ZBTB25: variants seen among roughly 807,000 people sequenced by gnomAD.
ZBTB25 encodes zinc finger and BTB domain containing 25.
In ZBTB25, 20 loss-of-function variants were observed where a neutral mutation model predicts 34.2. That is an observed-to-expected ratio of 0.58 (90% CI 0.41 to 0.85). The LOEUF (loss-of-function observed/expected upper bound fraction) is 0.85, where lower values mean the gene tolerates loss of function less well. ZBTB25 is among the 40% of genes least tolerant of loss of function. The pLI is 0.00. For synonymous variants in ZBTB25, 175 were observed against 186.4 expected, an observed-to-expected ratio of 0.94 and a Z score of 0.50; for missense variants, 437 against 521.8, an observed-to-expected ratio of 0.84 and a Z score of 1.58.
chr14:64,458,057 A>AT (rs2078503624), intron 2 of ZBTB25: 1 of 698,924 alleles, frequency 1.4e-6, no homozygotes, highest in South Asian at 1.5e-5. Flanking sequence ...TATCCAGCTA[A>AT]TTTTTTATTT....
intron 2 of ZBTB25, chr14:64,459,827 A>G (rs1196939349): frequency 6.5e-7 from 1 of 1,536,000 alleles, no homozygotes; most frequent in Middle Eastern, 1.7e-4. Context: ...ACTGGGAGTT[A>G]GGAAGTATAA....
chr14:64,503,168 C>T, intron 1 of ZBTB25: 1 of 985,452 alleles, frequency 1.0e-6, no homozygotes. Context: ...ACAAGATAAA[C>T]ATAATTTGAA....
At chr14:64,500,454 C>CAAAA (rs374975040) in intron 1 of ZBTB25, among the ~76,000 whole-genome samples, 94 of 52,018 alleles carry the variant, frequency 1.8e-3, no homozygotes, top group African/African-American at 3.5e-3. Context: ...CCCAATAAAG[C>CAAAA]AAAAAAAAAA....
At chr14:64,464,997 TTC>T (rs1338992158) in intron 2 of ZBTB25, among the ~76,000 whole-genome samples, 2 of 152,242 alleles carry the variant, frequency 1.3e-5, no homozygotes, top group Non-Finnish European at 2.9e-5. Context: ...TCGGGTTTCT[TTC>T]TGTTTCCATT....
chr14:64,490,098 C>T (rs1365286314), intron 2 of ZBTB25, among the ~76,000 whole-genome samples: 1 of 148,674 alleles, frequency 6.7e-6, no homozygotes, highest in African/African-American at 2.5e-5. Context: ...ATCCCAGGTA[C>T]TCGGGAGGCT....
At chr14:64,468,284 T>C (rs930772298) in intron 2 of ZBTB25, 11 of 1,007,276 alleles carry the variant, frequency 1.1e-5, no homozygotes, top group African/African-American at 1.6e-5. Flanking sequence ...GGTATGAATA[T>C]GCCTGGAAGA....
At chr14:64,456,133 T>C (rs1181370125) in intron 2 of ZBTB25, among the ~76,000 whole-genome samples, 1 of 152,174 alleles carries the variant, frequency 6.6e-6, no homozygotes, top group Admixed American at 6.5e-5. Context: ...AGGGTAACAG[T>C]AGAGGTGAAA....
In ZBTB25 at chr14:64,470,481, T is replaced by G. The variant is rs572381487; in HGVS notation, c.173+19880A>C. On this transcript the variant is annotated intron_variant, in intron 2 of 2. Transcript: ENST00000555220. ...GGTGCACGCCTGTAATCCCAGCTAC[T>G]TGGGAGGCTGAGGCAGGAGAATTGC... 1.9e-5 allele frequency: 3 copies of G among 157,520 alleles called. No individual in the cohort carries two copies. The Admixed American group carries it at 2.0e-4, about 10-fold the overall frequency. The allele number at this position is 157,520 out of a possible 1,614,324, so 9.8% of individuals were successfully genotyped here.
At chr14:64,498,457 G>A (rs931622435) in intron 1 of ZBTB25, among the ~76,000 whole-genome samples, 1 of 151,632 alleles carries the variant, frequency 6.6e-6, no homozygotes, top group Non-Finnish European at 1.5e-5. Context: ...GGGATTACAG[G>A]TGCCCATCAC....
chr14:64,499,637 G>C (rs1346325406), intron 1 of ZBTB25: 2 of 152,056 alleles, frequency 1.3e-5, no homozygotes, highest in Non-Finnish European at 2.9e-5. Flanking sequence ...ATGGGTGGGG[G>C]GGTGGAGGAA....
chr14:64,499,534 C>G (rs1281804919), intron 1 of ZBTB25: 1 of 150,854 alleles, frequency 6.6e-6, no homozygotes, highest in Non-Finnish European at 1.5e-5. Flanking sequence ...TCATTGCACT[C>G]CAGTCTGGGC....
intron 2 of ZBTB25, among the ~76,000 whole-genome samples, chr14:64,489,034 G>C (rs1180594638): frequency 6.6e-6 from 1 of 152,136 alleles, no homozygotes; most frequent in East Asian, 1.9e-4. Flanking sequence ...ATCATCTGAG[G>C]TCAGGAGTTC....
At chr14:64,503,331 G>A in intron 1 of ZBTB25, 1 of 985,398 alleles carries the variant, frequency 1.0e-6, no homozygotes, top group Non-Finnish European at 1.2e-6. Context: ...AGGCCTACTG[G>A]GGTTTCCTGC....
At chr14:64,468,307 T>G (rs2078632273) in intron 2 of ZBTB25, 2 of 1,250,418 alleles carry the variant, frequency 1.6e-6, no homozygotes, top group Non-Finnish European at 2.2e-6. Flanking sequence ...TTTTACCTAG[T>G]GTGACATTTT....
chr14:64,485,280 G>C lies in ZBTB25; in HGVS notation c.*1643C>G, dbSNP rs748058069. The C allele has an allele frequency of 1.8e-3, 1,735 of 985,456 alleles. 1 individual carries two copies. Among genetic ancestry groups the C allele is most frequent in the Non-Finnish European group, 2.0e-3 (1,657 of 829,924 alleles). 61.0% of individuals were successfully genotyped at this position (985,456 alleles called of 1,614,324 possible). ...GAAGTGGAGGGAGCTCAAGAGTTTT[G>C]TAAGTGGTTAAATTCTAAGGCTCAC... is the stretch of plus-strand genomic sequence containing the variant. On this transcript the variant is annotated 3_prime_UTR_variant, in exon 3 of 3. Transcript: ENST00000608382.
Position 64,482,133 on chromosome 14 carries a change from C to G in ZBTB25, c.*4790G>C, listed in dbSNP as rs1159620257. The G allele has an allele frequency of 6.6e-6, 1 of 152,148 alleles. No homozygotes were observed. Among genetic ancestry groups the G allele is most frequent in the African/African-American group, 2.4e-5 (1 of 41,416 alleles). 9.4% of individuals were successfully genotyped at this position (152,148 alleles called of 1,614,324 possible). On this transcript the variant is annotated 3_prime_UTR_variant, in exon 3 of 3. Coordinates refer to ENST00000608382, the MANE Select transcript of ZBTB25 (RefSeq NM_006977.5). ...CCTTCACCCCATTTCCTGTCCTCAT[C>G]TACTATTTAGATCACCTACATCAAA...
At chr14:64,503,387 G>T (rs2079563811) in intron 1 of ZBTB25, 1 of 985,306 alleles carries the variant, frequency 1.0e-6, no homozygotes, top group Admixed American at 6.1e-5. Flanking sequence ...CTGCACCTTC[G>T]CGGCACCCCG....
At chr14:64,503,224 C>A (rs1030765189) in intron 1 of ZBTB25, 1 of 985,342 alleles carries the variant, frequency 1.0e-6, no homozygotes, top group African/African-American at 1.7e-5. Flanking sequence ...ACGAGGTAAT[C>A]ACAAGCTGGG....
At chr14:64,497,200 TC>T (rs1220300521) in intron 1 of ZBTB25, among the ~76,000 whole-genome samples, 2 of 152,168 alleles carry the variant, frequency 1.3e-5, no homozygotes, top group Non-Finnish European at 2.9e-5. Context: ...TGAGGTGCAT[TC>T]AAACTTGTTT....
Sources: allele counts gnomAD v4.1 joint callset (sites outside exome capture counted in the v4.1 genomes callset), GRCh38; gene constraint gnomAD v4.1.1; transcripts MANE v1.5; gene names NCBI Gene and HGNC (gene_info 2026-07-23, HGNC 2026-07-21).